Variants in SOX6 observed in about 807,000 individuals in gnomAD.
The protein encoded by SOX6 is transcription factor SOX-6.
In SOX6, 11 loss-of-function variants were observed where a neutral mutation model predicts 97.8. The ratio of observed to expected loss-of-function variants is 0.11; its 90% CI spans 0.07 to 0.19. SOX6 has a LOEUF of 0.19. Among genes scored for constraint, SOX6 ranks in the 10% least tolerant of loss-of-function variants. The pLI is 1.00. For missense variants in SOX6, 810 were observed against 1,039.5 expected (o/e 0.78, Z 3.04); for synonymous variants, 360 against 371.4 (o/e 0.97, Z 0.35).
chr11:16,428,171 G>A (rs1467894799), intron 1 of SOX6, among the ~76,000 whole-genome samples: 5 of 151,980 alleles, frequency 3.3e-5, no homozygotes, highest in African/African-American at 1.2e-4. Flanking sequence ...ACTTTTTGAT[G>A]GGGTTGTTTT....
intron 3 of SOX6, among the ~76,000 whole-genome samples, chr11:16,259,554 T>C (rs1853807925): frequency 6.6e-6 from 1 of 152,138 alleles, no homozygotes; most frequent in South Asian, 2.1e-4. Flanking sequence ...AGTAAATAGC[T>C]TGCATTGATA....
chr11:16,315,268 C>G (rs930179193), intron 3 of SOX6: 1 of 151,922 alleles, frequency 6.6e-6, no homozygotes, highest in Admixed American at 6.6e-5. Flanking sequence ...GTGTATTTTA[C>G]CTTATGCATT....
intron 3 of SOX6, among the ~76,000 whole-genome samples, chr11:16,661,349 C>A (rs1048169471): frequency 6.6e-6 from 1 of 152,100 alleles, no homozygotes; most frequent in South Asian, 2.1e-4. Flanking sequence ...TTAAATTGGG[C>A]TTTTTGTAAA....
chr11:16,094,033 G>A (rs1051175058), intron 9 of SOX6, among the ~76,000 whole-genome samples: 9 of 151,864 alleles, frequency 5.9e-5, no homozygotes, highest in Non-Finnish European at 1.2e-4. Flanking sequence ...GGAAAAAGGT[G>A]CAAAAATAGG....
intron 4 of SOX6, among the ~76,000 whole-genome samples, chr11:16,218,409 A>C (rs1852434406): frequency 1.3e-5 from 2 of 152,162 alleles, no homozygotes; most frequent in Non-Finnish European, 2.9e-5. Context: ...CATCAGAATA[A>C]GAGATTAGAA....
intron 4 of SOX6, among the ~76,000 whole-genome samples, chr11:16,205,387 C>A (rs1208864909): frequency 6.6e-6 from 1 of 152,110 alleles, no homozygotes; most frequent in Non-Finnish European, 1.5e-5. Context: ...CCTTGCATTT[C>A]ATTTGCCCAT....
At chr11:16,467,439 A>G (rs1860062314) in intron 1 of SOX6, among the ~76,000 whole-genome samples, 1 of 152,252 alleles carries the variant, frequency 6.6e-6, no homozygotes, top group Non-Finnish European at 1.5e-5. Context: ...CATACACACT[A>G]TGGAATACTA....
chr11:16,189,647 T>C (rs1423083654), intron 4 of SOX6, among the ~76,000 whole-genome samples: 2 of 152,138 alleles, frequency 1.3e-5, no homozygotes, highest in African/African-American at 2.4e-5. Flanking sequence ...TAAAGTATTT[T>C]ACGAAATGAG....
chr11:16,726,054 G>T (rs1432599579), intron 2 of SOX6, among the ~76,000 whole-genome samples: 1 of 152,142 alleles, frequency 6.6e-6, no homozygotes, highest in Admixed American at 6.5e-5. Context: ...TCTATTTCAG[G>T]TTCTTCTAAT....
chr11:16,280,595 A>G (rs1854527962), intron 3 of SOX6, among the ~76,000 whole-genome samples: 1 of 152,064 alleles, frequency 6.6e-6, no homozygotes, highest in Admixed American at 6.6e-5. Context: ...AAGCTCATTC[A>G]CCGATTTCAC....
At chr11:16,372,601 A>G (rs1312372375) in intron 1 of SOX6, among the ~76,000 whole-genome samples, 1 of 152,110 alleles carries the variant, frequency 6.6e-6, no homozygotes, top group Non-Finnish European at 1.5e-5. Context: ...TGACAGCTAT[A>G]ATAACTGACT....
intron 3 of SOX6, among the ~76,000 whole-genome samples, chr11:16,614,257 C>A (rs1005839013): frequency 6.6e-6 from 1 of 152,150 alleles, no homozygotes; most frequent in Non-Finnish European, 1.5e-5. Context: ...CGGCTCAGAG[C>A]TGACTCCGTA....
intron 3 of SOX6, among the ~76,000 whole-genome samples, chr11:16,673,508 A>C (rs768108236): frequency 3.3e-5 from 5 of 151,546 alleles, no homozygotes; most frequent in Admixed American, 1.3e-4. Flanking sequence ...AAACACCAAA[A>C]GAAATAAATA....
intron 4 of SOX6, among the ~76,000 whole-genome samples, chr11:16,595,357 T>A (rs915642806): frequency 1.3e-5 from 2 of 152,080 alleles, no homozygotes; most frequent in African/African-American, 2.4e-5. Flanking sequence ...GCTGCAAAAC[T>A]CAGTAAGTGT....
At chr11:16,240,564 C>T (rs1853164522) in intron 3 of SOX6, among the ~76,000 whole-genome samples, 3 of 151,874 alleles carry the variant, frequency 2.0e-5, no homozygotes, top group African/African-American at 7.3e-5. Flanking sequence ...TCTATAGGTG[C>T]AGGTAAGAGT....
intron 3 of SOX6, among the ~76,000 whole-genome samples, chr11:16,255,505 A>G (rs919694938): frequency 6.6e-6 from 1 of 152,102 alleles, no homozygotes; most frequent in Non-Finnish European, 1.5e-5. Context: ...TAAATAACAC[A>G]TGTGTTAATG....
intron 4 of SOX6, among the ~76,000 whole-genome samples, chr11:16,504,970 C>T (rs1051918962): frequency 6.6e-6 from 1 of 152,126 alleles, no homozygotes; most frequent in Admixed American, 6.5e-5. Flanking sequence ...CTTTATTACC[C>T]AGTTTCAGGT....
At chr11:16,068,320 G>A (rs76224137) in intron 9 of SOX6, among the ~76,000 whole-genome samples, 3,657 of 152,230 alleles carry the variant, frequency 0.024, 146 homozygotes, top group African/African-American at 0.083. Flanking sequence ...GGTGACAGGC[G>A]TAATTAAGCA....
At chr11:16,269,254 CTTTATTCTCCTTG>C (rs1004885355) in intron 3 of SOX6, among the ~76,000 whole-genome samples, 1 of 24,548 alleles carries the variant, frequency 4.1e-5, no homozygotes, top group Non-Finnish European at 1.5e-4. Context: ...TAATTATGGA[CTTTATTCTCCTTG>C]TTTATTCATT....
Sources: gnomAD v4.1 joint callset for allele counts (sites outside exome capture counted in the v4.1 genomes callset) on GRCh38, gnomAD v4.1.1 for gene constraint, MANE v1.5 for transcripts, NCBI Gene and HGNC (gene_info 2026-07-23, HGNC 2026-07-21) for gene names.